The following FHIT variants were observed in gnomAD, a reference collection of about 807,000 sequenced individuals.
FHIT encodes fragile histidine triad diadenosine triphosphatase.
A neutral mutation model predicts 17.9 loss-of-function variants in FHIT; 19 were observed. The observed-to-expected ratio is 1.06, with a 90% CI of 0.74 to 1.56. The LOEUF is 1.56. Among genes scored for constraint, FHIT ranks in the 40% most tolerant of loss-of-function variants. The pLI is 0.00. For missense variants in FHIT, 248 were observed against 189.2 expected (o/e 1.31, Z -1.82); for synonymous variants, 81 against 69.7 (o/e 1.16, Z -0.81).
chr3:60,961,782 G>A (rs914710269), intron 3 of FHIT, among the ~76,000 whole-genome samples: 2 of 152,108 alleles, frequency 1.3e-5, no homozygotes, highest in African/African-American at 2.4e-5. Flanking sequence ...TGTTCCATTG[G>A]CCTATCTCTC....
intron 4 of FHIT, among the ~76,000 whole-genome samples, chr3:60,796,915 A>T (rs1701000629): frequency 6.6e-6 from 1 of 152,202 alleles, no homozygotes; most frequent in Admixed American, 6.5e-5. Flanking sequence ...ATTGCATTGT[A>T]ATCAGGTAAT....
intron 4 of FHIT, among the ~76,000 whole-genome samples, chr3:60,751,102 C>A (rs537309880): frequency 6.6e-6 from 1 of 152,178 alleles, no homozygotes; most frequent in East Asian, 1.9e-4. Context: ...AGGGTGGGAC[C>A]CTTTCTCACC....
chr3:60,646,126 T>C (rs551104329), intron 4 of FHIT, among the ~76,000 whole-genome samples: 2 of 152,308 alleles, frequency 1.3e-5, no homozygotes, highest in African/African-American at 4.8e-5. Context: ...GGATTTTAAA[T>C]GTTCTTTTAA....
In FHIT at chr3:60,840,534, T is replaced by C. The variant is rs181687358; in HGVS notation, c.-110-18523A>G. ...TACCTGTAAACTTGTTAATTAAATGTCAAAGGTTTTTATATCAAGGACAAT... is the reference window on the plus strand; with the variant it reads ...TACCTGTAAACTTGTTAATTAAATGCCAAAGGTTTTTATATCAAGGACAAT... On this transcript the variant is annotated intron_variant, in intron 3 of 9. Transcript: ENST00000492590. 9.8e-5 allele frequency among the ~76,000 whole-genome samples: 15 copies of C among 152,332 alleles called. No individual in the cohort carries two copies. In the East Asian group the frequency reaches 2.3e-3, roughly 24 times the overall value.
chr3:60,117,317 T>C (rs995816498), intron 5 of FHIT, among the ~76,000 whole-genome samples: 2 of 152,116 alleles, frequency 1.3e-5, no homozygotes, highest in East Asian at 3.9e-4. Context: ...CAAAAACTTC[T>C]AGAAAGAAAA....
intron 5 of FHIT, among the ~76,000 whole-genome samples, chr3:60,321,481 C>A (rs1383568467): frequency 2.1e-5 from 3 of 145,654 alleles, no homozygotes; most frequent in East Asian, 1.9e-4. Flanking sequence ...TCTCAAAAAA[C>A]CAAAAAAAAT....
chr3:59,879,609 AC>A (rs1473803658), intron 8 of FHIT, among the ~76,000 whole-genome samples: 1 of 152,202 alleles, frequency 6.6e-6, no homozygotes, highest in African/African-American at 2.4e-5. Flanking sequence ...TCCAAAAAAA[AC>A]CCACACAGCC....
intron 5 of FHIT, among the ~76,000 whole-genome samples, chr3:60,064,564 C>A (rs1576011751): frequency 1.3e-5 from 2 of 152,322 alleles, no homozygotes; most frequent in South Asian, 2.1e-4. Context: ...CAGAACCTAC[C>A]TACCATGTGA....
At chr3:60,135,320 G>A (rs1699772285) in intron 5 of FHIT, among the ~76,000 whole-genome samples, 1 of 152,020 alleles carries the variant, frequency 6.6e-6, no homozygotes, top group Non-Finnish European at 1.5e-5. Flanking sequence ...TAAGATTATA[G>A]GCGAGAAAAT....
chr3:60,744,256 AACAAAAC>A (rs1456383224), intron 4 of FHIT, among the ~76,000 whole-genome samples: 1 of 45,706 alleles, frequency 2.2e-5, no homozygotes, highest in African/African-American at 1.1e-4. Flanking sequence ...TAAAAAAAAA[AACAAAAC>A]AAAACAAAAA....
chr3:60,558,781 T>G (rs953961148), intron 4 of FHIT, among the ~76,000 whole-genome samples: 6 of 152,144 alleles, frequency 3.9e-5, no homozygotes, highest in Non-Finnish European at 8.8e-5. Flanking sequence ...AACAGAATCT[T>G]TTAGATACCA....
At chr3:59,910,773 T>C (rs1229241239) in intron 8 of FHIT, among the ~76,000 whole-genome samples, 2 of 152,202 alleles carry the variant, frequency 1.3e-5, no homozygotes, top group African/African-American at 4.8e-5. Context: ...GGCTTATGTA[T>C]GTAAATAGGT....
chr3:59,985,725 T>G (rs1196355449), intron 7 of FHIT, among the ~76,000 whole-genome samples: 1 of 152,092 alleles, frequency 6.6e-6, no homozygotes, highest in Non-Finnish European at 1.5e-5. Flanking sequence ...TAAAGCAGGG[T>G]GAGCAAATAT....
chr3:59,842,532 C>A (rs562579433), intron 8 of FHIT, among the ~76,000 whole-genome samples: 1 of 152,114 alleles, frequency 6.6e-6, no homozygotes, highest in East Asian at 1.9e-4. Flanking sequence ...ACACTCCCAC[C>A]AACAGTGCAC....
intron 8 of FHIT, among the ~76,000 whole-genome samples, chr3:59,857,439 T>C (rs1296207522): frequency 1.3e-5 from 2 of 152,190 alleles, no homozygotes; most frequent in African/African-American, 4.8e-5. Context: ...ATAAGATTTA[T>C]GATAATTTAC....
intron 2 of FHIT, among the ~76,000 whole-genome samples, chr3:61,062,676 G>A (rs2034469541): frequency 6.6e-6 from 1 of 152,120 alleles, no homozygotes; most frequent in Admixed American, 6.5e-5. Context: ...TATGCCCCCA[G>A]ATGAATAGAA....
intron 5 of FHIT, among the ~76,000 whole-genome samples, chr3:60,178,598 G>C (rs1283341029): frequency 6.6e-6 from 1 of 151,956 alleles, no homozygotes; most frequent in Non-Finnish European, 1.5e-5. Flanking sequence ...GCGGTGGGGG[G>C]AGGGAGAAAG....
intron 5 of FHIT, among the ~76,000 whole-genome samples, chr3:60,156,483 TCA>T (rs1253800621): frequency 6.6e-6 from 1 of 152,170 alleles, no homozygotes; most frequent in African/African-American, 2.4e-5. Flanking sequence ...GTGCAGCGGT[TCA>T]CACCTGGAAT....
intron 2 of FHIT, among the ~76,000 whole-genome samples, chr3:61,049,425 T>A (rs779577221): frequency 1.3e-5 from 2 of 152,040 alleles, no homozygotes; most frequent in Non-Finnish European, 2.9e-5. Flanking sequence ...CTATTTTGCA[T>A]CCCCTAATGA....
Sources: allele counts gnomAD v4.1 joint callset (sites outside exome capture counted in the v4.1 genomes callset), GRCh38; gene constraint gnomAD v4.1.1; transcripts MANE v1.5; gene names NCBI Gene and HGNC (gene_info 2026-07-23, HGNC 2026-07-21).